SELENON: variants seen among roughly 807,000 people sequenced by gnomAD.
The protein encoded by SELENON is selenoprotein N, 1.
Under a neutral mutation model 59.5 loss-of-function variants are expected in SELENON, and 44 were observed. That is an observed-to-expected ratio of 0.74 (90% CI 0.58 to 0.95). The LOEUF is 0.95. Ranked by LOEUF, SELENON falls within the 40% of genes least tolerant of loss-of-function variation. The pLI, the probability that SELENON is intolerant of heterozygous loss-of-function variation, is 0.00. For missense variants in SELENON, 674 were observed against 721.4 expected, an observed-to-expected ratio of 0.93 and a Z score of 0.75; for synonymous variants, 320 against 305.6, an observed-to-expected ratio of 1.05 and a Z score of -0.49.
At chr1:25,815,507 C>G (rs770424985) in intron 12 of SELENON, 41 bp from the exon 12 acceptor site, 6 of 1,592,670 alleles carry the variant, frequency 3.8e-6, no homozygotes, top group South Asian at 1.1e-5. Flanking sequence ...AGCCTGGGGG[C>G]CCCCCTCCGC....
intron 10 of SELENON, 64 bp downstream of exon 9, chr1:25,812,856 G>A (rs1557433137): frequency 1.6e-6 from 2 of 1,269,080 alleles, no homozygotes; most frequent in Non-Finnish European, 2.3e-6. Context: ...GGGTACCAGA[G>A]GCTCTGAGAC....
chr1:25,812,564 AACACACACACACACACACAC>A (rs59333545), intron 9 of SELENON, 103 bp from the exon 9 acceptor site: 36 of 574,416 alleles, frequency 6.3e-5, no homozygotes, highest in East Asian at 3.4e-4. Context: ...CCTACACACA[AACACACACACACACACACAC>A]ACACACACAC....
intron 7 of SELENON, 134 bp from the exon 7 acceptor site, chr1:25,811,320 G>A (rs1350362772): frequency 3.6e-6 from 3 of 844,018 alleles, no homozygotes; most frequent in East Asian, 2.4e-5. Flanking sequence ...GTGGCTCTGA[G>A]AGCAGGTGTT....
intron 7 of SELENON, among the ~76,000 whole-genome samples, chr1:25,810,126 G>A (rs1301812587): frequency 6.6e-6 from 1 of 152,220 alleles, no homozygotes; most frequent in Non-Finnish European, 1.5e-5. Flanking sequence ...GCCCCAGGCA[G>A]AGCTGTAACC....
chr1:25,811,163 G>C (rs1406002567), intron 7 of SELENON, among the ~76,000 whole-genome samples: 2 of 152,220 alleles, frequency 1.3e-5, no homozygotes, highest in Admixed American at 6.5e-5. Context: ...CTGCTTCAAA[G>C]GGTCCTGGAG....
intron 6 of SELENON, 87 bp from the exon 6 acceptor site, chr1:25,809,596 C>T (rs2047940275): frequency 6.3e-7 from 1 of 1,589,170 alleles, no homozygotes; most frequent in Non-Finnish European, 8.6e-7. Context: ...CACTCAGCCT[C>T]CTCTCCCTGA....
rs779935621 is a variant in SELENON at position 25,801,064 on chromosome 1, G to C, written c.205G>C (p.Gly69Arg). Residue 69 changes from glycine (G) to arginine (R), a missense_variant, in exon 2 of 13, where the codon GGG (glycine) becomes CGG (arginine). Transcript: ENST00000361547. Reference sequence around the variant, plus strand: ...GCAGGAACTGGCGCTGAAGACCCTGGGGACAGATGGCCTTTTTCTCTTTTC... The same window carrying C: ...GCAGGAACTGGCGCTGAAGACCCTGCGGACAGATGGCCTTTTTCTCTTTTC... The C allele has an allele frequency of 8.1e-6, 13 of 1,614,022 alleles. No homozygotes were observed. The highest frequency in any genetic ancestry group is 1.1e-5 in the Non-Finnish European group (13 of 1,180,004).
chr1:25,813,702 TA>T (rs2047986114), intron 10 of SELENON, 178 bp from the exon 10 acceptor site: 1 of 657,346 alleles, frequency 1.5e-6, no homozygotes, highest in Non-Finnish European at 2.8e-6. Context: ...AGGATGCTGG[TA>T]TATTATTGAT....
intron 6 of SELENON, 32 bp downstream of exon 5, chr1:25,809,182 C>A: frequency 6.2e-7 from 1 of 1,613,128 alleles, no homozygotes; most frequent in Non-Finnish European, 8.5e-7. Flanking sequence ...GCCTGGAGCA[C>A]CGGGGAGGCA....
At chr1:25,811,915 T>C (rs1268411786) in intron 9 of SELENON, 36 bp downstream of exon 8, 1 of 1,545,498 alleles carries the variant, frequency 6.5e-7, no homozygotes, top group Non-Finnish European at 8.7e-7. Context: ...AGGGTCAGGC[T>C]GCATGGGCAG....
Position 25,817,778 on chromosome 1 carries a change from T to C in SELENON, c.*2060T>C, listed in dbSNP as rs2048024396. The C allele has an allele frequency of 6.6e-6, 1 of 152,234 alleles. No homozygotes were observed. Among genetic ancestry groups the C allele is most frequent in the African/African-American group, 2.4e-5 (1 of 41,444 alleles). 9.4% of individuals were successfully genotyped at this position (152,234 alleles called of 1,614,324 possible). A position where few individuals can be genotyped will look rare whatever the true frequency, so the allele number is the denominator to read the frequency against. On this transcript the variant is annotated 3_prime_UTR_variant, in exon 13 of 13. Coordinates refer to ENST00000361547, the MANE Select transcript of SELENON (RefSeq NM_020451.3). Reference sequence around the variant, plus strand: ...CTCTCCCTGCCTGTTTTCCCCAAAGTGGAAAGGAAGGCCTTTCAAACCAGA... The same window carrying C: ...CTCTCCCTGCCTGTTTTCCCCAAAGCGGAAAGGAAGGCCTTTCAAACCAGA...
chr1:25,808,527 G>A (rs1034034172), intron 4 of SELENON, 53 bp from the exon 4 acceptor site: 1 of 1,601,930 alleles, frequency 6.2e-7, no homozygotes, highest in Non-Finnish European at 8.5e-7. Context: ...TGGTACAGGA[G>A]ACCCCGGAGT....
At chr1:25,813,380 G>A (rs2047983325) in intron 10 of SELENON, among the ~76,000 whole-genome samples, 1 of 152,222 alleles carries the variant, frequency 6.6e-6, no homozygotes, top group South Asian at 2.1e-4. Flanking sequence ...TGCCCTCAAA[G>A]GGGGAGACAC....
At chr1:25,806,433 C>T (rs1054619661) in intron 4 of SELENON, among the ~76,000 whole-genome samples, 8 of 151,994 alleles carry the variant, frequency 5.3e-5, no homozygotes, top group African/African-American at 1.5e-4. Context: ...GGAGGGGAGA[C>T]GGAGGAGATG....
chr1:25,812,555 CTA>C (rs1491159190), intron 9 of SELENON, 130 bp from the exon 9 acceptor site: 101 of 567,746 alleles, frequency 1.8e-4, no homozygotes, highest in Non-Finnish European at 2.8e-4. Context: ...ATATATATGC[CTA>C]CACACAAACA....
intron 7 of SELENON, among the ~76,000 whole-genome samples, chr1:25,811,093 C>T (rs765784112): frequency 1.3e-5 from 2 of 152,080 alleles, no homozygotes; most frequent in Non-Finnish European, 2.9e-5. Context: ...GCAGGGACCA[C>T]GGTGCTCGTT....
chr1:25,814,139 C>G lies in SELENON; in HGVS notation c.1563C>G (p.Phe521Leu), dbSNP rs373154763. The change falls in exon 12 of 13, where the codon TTC becomes TTG. Residue 521 changes from phenylalanine (F) to leucine (L), a missense_variant. Physicochemically the swap from Phe to Leu is conservative, Grantham distance 22. Transcript: ENST00000361547. Reference sequence around the variant, plus strand: ...GCCTGCACCTGGAGAAGTACAGCTTCCCCGTGGAGATGATGATCTGCCTGC... The same window carrying G: ...GCCTGCACCTGGAGAAGTACAGCTTGCCCGTGGAGATGATGATCTGCCTGC... 1 of 1,614,064 alleles carries G rather than the reference C, an allele frequency of 6.2e-7. No homozygotes were observed. Among genetic ancestry groups the G allele is most frequent in the African/African-American group, 1.3e-5 (1 of 74,932 alleles).
In SELENON at chr1:25,801,117, C is replaced by T; in HGVS notation, c.258C>T (p.Tyr86=). The change falls in exon 2 of 13, where the codon TAC becomes TAT. Residue 86 remains tyrosine (Y), a synonymous_variant. Coordinates refer to ENST00000361547, the MANE Select transcript of SELENON (RefSeq NM_020451.3). ...CCTTGGACACTGACGGGGATATGTA[C>T]ATCAGCCCTGAGGAGTTCAAACCCA... 6.2e-7 allele frequency: 1 copy of T among 1,614,158 alleles called. No individual in the cohort carries two copies. The highest frequency in any genetic ancestry group is 1.1e-5 in the South Asian group (1 of 91,078).
At chr1:25,814,045 G>T in intron 11 of SELENON, 32 bp from the exon 11 acceptor site, 1 of 1,610,336 alleles carries the variant, frequency 6.2e-7, no homozygotes, top group Non-Finnish European at 8.5e-7. Flanking sequence ...GGTGGGGGCC[G>T]CGGCATCAGG....
Sources: gnomAD v4.1 joint callset for allele counts (sites outside exome capture counted in the v4.1 genomes callset) on GRCh38, gnomAD v4.1.1 for gene constraint, MANE v1.5 for transcripts, NCBI Gene and HGNC (gene_info 2026-07-23, HGNC 2026-07-21) for gene names.